The following THSD7B variants were observed in gnomAD, a reference collection of about 807,000 sequenced individuals.
The protein encoded by THSD7B is thrombospondin type 1 domain containing 7B.
In THSD7B, 138 loss-of-function variants were observed where a neutral mutation model predicts 213.6. The ratio of observed to expected loss-of-function variants is 0.65; its 90% CI spans 0.56 to 0.74. The LOEUF (loss-of-function observed/expected upper bound fraction) is 0.74. Ranked by LOEUF, THSD7B falls within the 30% of genes least tolerant of loss-of-function variation. THSD7B has a pLI of 0.00. For synonymous variants in THSD7B, 742 were observed against 687.0 expected, an observed-to-expected ratio of 1.08 and a Z score of -1.25; for missense variants, 1,931 against 1,991.5, an observed-to-expected ratio of 0.97 and a Z score of 0.58.
chr2:137,154,417 G>A (rs904736697), intron 5 of THSD7B, among the ~76,000 whole-genome samples: 92 of 152,000 alleles, frequency 6.1e-4, no homozygotes, highest in Admixed American at 5.0e-3. Context: ...ACAAGAAAGC[G>A]CCAATGACTC....
At chr2:137,120,768 G>A (rs768399933) in intron 5 of THSD7B, among the ~76,000 whole-genome samples, 1 of 152,164 alleles carries the variant, frequency 6.6e-6, no homozygotes, top group Non-Finnish European at 1.5e-5. Flanking sequence ...AGCGTGTCAC[G>A]CTACCTAGGC....
chr2:136,855,507 C>T (rs1460469802), intron 1 of THSD7B, among the ~76,000 whole-genome samples: 1 of 152,150 alleles, frequency 6.6e-6, no homozygotes, highest in Admixed American at 6.6e-5. Flanking sequence ...CTCACTGCAG[C>T]CTCCACCTCC....
At chr2:137,225,763 C>A (rs1681483022) in intron 7 of THSD7B, among the ~76,000 whole-genome samples, 1 of 122,010 alleles carries the variant, frequency 8.2e-6, no homozygotes, top group African/African-American at 3.2e-5. Context: ...TAATATTTGA[C>A]ATTGAGTTTC....
At chr2:137,068,233 A>C (rs1378294827) in intron 3 of THSD7B, among the ~76,000 whole-genome samples, 1 of 152,016 alleles carries the variant, frequency 6.6e-6, no homozygotes, top group South Asian at 2.1e-4. Context: ...TACATGCCAG[A>C]GTGGAAACCA....
chr2:137,575,217 T>C (rs1347689629), intron 17 of THSD7B, among the ~76,000 whole-genome samples: 1 of 152,010 alleles, frequency 6.6e-6, no homozygotes, highest in African/African-American at 2.4e-5. Flanking sequence ...ATAATATGTA[T>C]AAAATAAATT....
intron 2 of THSD7B, among the ~76,000 whole-genome samples, chr2:136,884,440 T>G (rs1683682332): frequency 6.6e-6 from 1 of 152,098 alleles, no homozygotes; most frequent in African/African-American, 2.4e-5. Context: ...GCCAGGGGAA[T>G]GAAGGGCTCC....
intron 3 of THSD7B, among the ~76,000 whole-genome samples, chr2:137,062,675 G>T (rs965432444): frequency 2.0e-5 from 3 of 151,706 alleles, no homozygotes; most frequent in African/African-American, 7.3e-5. Context: ...AGCATATGTT[G>T]TATGATTTCT....
intron 7 of THSD7B, among the ~76,000 whole-genome samples, chr2:137,203,463 T>G (rs1484025236): frequency 6.6e-6 from 1 of 152,182 alleles, no homozygotes; most frequent in Non-Finnish European, 1.5e-5. Flanking sequence ...TTTCTAATTT[T>G]ACTTATTTAT....
chr2:137,586,894 T>C (rs1681744316), intron 17 of THSD7B, among the ~76,000 whole-genome samples: 1 of 152,234 alleles, frequency 6.6e-6, no homozygotes, highest in Non-Finnish European at 1.5e-5. Context: ...CCTTGCTAGG[T>C]TGGGTAAGTT....
At chr2:137,038,622 T>A (rs1686821750) in intron 2 of THSD7B, among the ~76,000 whole-genome samples, 1 of 152,200 alleles carries the variant, frequency 6.6e-6, no homozygotes, top group Admixed American at 6.5e-5. Context: ...AGATTAATCA[T>A]TTTTTAAGGA....
chr2:137,171,685 C>T (rs1680255611), intron 7 of THSD7B, among the ~76,000 whole-genome samples: 1 of 152,148 alleles, frequency 6.6e-6, no homozygotes, highest in African/African-American at 2.4e-5. Flanking sequence ...TTATAATGCT[C>T]ATGATATGTG....
chr2:137,456,139 A>G (rs974734082), intron 15 of THSD7B, among the ~76,000 whole-genome samples: 1 of 152,198 alleles, frequency 6.6e-6, no homozygotes, highest in Admixed American at 6.5e-5. Context: ...TGTTCTCTAG[A>G]AGCAGCTGCT....
At chr2:136,866,972 A>G (rs1420439798) in intron 1 of THSD7B, among the ~76,000 whole-genome samples, 1 of 151,854 alleles carries the variant, frequency 6.6e-6, no homozygotes, top group Admixed American at 6.6e-5. Flanking sequence ...GTATTATATC[A>G]TAATCTACTA....
chr2:137,220,408 C>T (rs1460255364), intron 7 of THSD7B, among the ~76,000 whole-genome samples: 1 of 151,994 alleles, frequency 6.6e-6, no homozygotes, highest in East Asian at 1.9e-4. Context: ...ATACGGATGG[C>T]AAATAAGCAC....
At chr2:137,075,461 A>G (rs1298795642) in intron 3 of THSD7B, among the ~76,000 whole-genome samples, 1 of 152,078 alleles carries the variant, frequency 6.6e-6, no homozygotes, top group East Asian at 1.9e-4. Flanking sequence ...ACTTCTCTGC[A>G]TTGGTTATTC....
intron 3 of THSD7B, among the ~76,000 whole-genome samples, chr2:137,086,013 G>C (rs1218507153): frequency 6.6e-6 from 1 of 152,130 alleles, no homozygotes; most frequent in African/African-American, 2.4e-5. Flanking sequence ...CTGTGTGCGT[G>C]TGTGTACTTA....
At chr2:137,520,956 T>C (rs1680173132) in intron 15 of THSD7B, among the ~76,000 whole-genome samples, 2 of 152,202 alleles carry the variant, frequency 1.3e-5, no homozygotes, top group Admixed American at 6.5e-5. Context: ...TGAACCATTG[T>C]GGGTGAACTC....
rs1272871817 is a variant in THSD7B at position 136,959,464 on chromosome 2, C to A, written c.139+77147C>A. ...CTCTGAATTTACTATTTCACTTTTG[C>A]CCCTAAAAACAGGTTTTGGTGAAAC... On this transcript the variant is annotated intron_variant, in intron 2 of 27. Transcript: ENST00000409968. 8.5e-5 allele frequency among the ~76,000 whole-genome samples: 13 copies of A among 152,222 alleles called. No individual in the cohort carries two copies. In the East Asian group the frequency reaches 2.5e-3, roughly 29 times the overall value.
At chr2:137,370,603 G>A (rs1371323771) in intron 12 of THSD7B, among the ~76,000 whole-genome samples, 1 of 151,998 alleles carries the variant, frequency 6.6e-6, no homozygotes, top group Non-Finnish European at 1.5e-5. Context: ...CGAGTAACTG[G>A]GATTACAGGC....
Sources: gnomAD v4.1 joint callset for allele counts (sites outside exome capture counted in the v4.1 genomes callset) on GRCh38, gnomAD v4.1.1 for gene constraint, MANE v1.5 for transcripts, NCBI Gene and HGNC (gene_info 2026-07-23, HGNC 2026-07-21) for gene names.